Variants in SAPCD1 observed in about 807,000 individuals in gnomAD.
The protein encoded by SAPCD1 is suppressor APC domain containing 1, also known as suppressor APC domain-containing protein 1.
In SAPCD1, 16 loss-of-function variants were observed where a neutral mutation model predicts 20.7. That is an observed-to-expected ratio of 0.77 (90% CI 0.52 to 1.17). The LOEUF is 1.17. Ranked by LOEUF, SAPCD1 falls within the 50% of genes most tolerant of loss-of-function variation. SAPCD1 has a pLI of 0.00. For missense variants in SAPCD1, 173 were observed against 209.9 expected (o/e 0.82, Z 1.09); for synonymous variants, 77 against 84.8 (o/e 0.91, Z 0.50).
rs1811217319 is a variant in SAPCD1 at position 31,763,498 on chromosome 6, T to G, written c.198T>G (p.Phe66Leu). The G allele has an allele frequency of 6.2e-7, 1 of 1,612,830 alleles. No individual in the cohort carries two copies. Among genetic ancestry groups the G allele is most frequent in the Non-Finnish European group, 8.5e-7 (1 of 1,179,990 alleles). Reference sequence around the variant, plus strand: ...TGCTACAGCATGGCCAGGCCTGGTTTGAAGACCATCTGAGGGAGGCACAGC... The same window carrying G: ...TGCTACAGCATGGCCAGGCCTGGTTGGAAGACCATCTGAGGGAGGCACAGC... Residue 66 changes from phenylalanine to leucine, a missense_variant, in exon 2 of 5, where the codon TTT becomes TTG. Phe to Leu is a conservative substitution (Grantham distance 22). Transcript: ENST00000415669. The surrounding 1 kb of genome is among the most constrained non-coding windows in gnomAD (Gnocchi z 4.9).
rs1433126675 is a variant in SAPCD1, at chr6:31,764,432, C to G, written c.442-4C>G. 1 of 1,613,936 alleles carries G rather than the reference C, an allele frequency of 6.2e-7. No individual in the cohort carries two copies. The highest frequency in any genetic ancestry group is 8.5e-7 in the Non-Finnish European group (1 of 1,179,796). Reference sequence around the variant, plus strand: ...CCCAGAGGCCCCATCTGTTTCTCCTCCAGGAGTTGTCAAGGCAGCAGAAAG... The same window carrying G: ...CCCAGAGGCCCCATCTGTTTCTCCTGCAGGAGTTGTCAAGGCAGCAGAAAG... On this transcript the variant is annotated splice_region_variant and splice_polypyrimidine_tract_variant and intron_variant, in intron 4 of 4. Transcript: ENST00000415669. The surrounding 1 kb of genome is among the most constrained non-coding windows in gnomAD (Gnocchi z 4.7).
rs750014882 is a variant in SAPCD1, at chr6:31,764,221, G to A, written c.352-45G>A. The A allele has an allele frequency of 1.6e-5, 26 of 1,602,730 alleles. No individual in the cohort carries two copies. Among genetic ancestry groups the A allele is most frequent in the Admixed American group, 6.7e-5 (4 of 59,990 alleles). ...TTGGACTAGAGAGGGGAGTTGTTGG[G>A]GTCAGTGCTGGCTTAACAGAAAACA... On this transcript the variant is annotated intron_variant, in intron 3 of 4. Transcript: ENST00000415669. The surrounding 1 kb of genome is among the most constrained non-coding windows in gnomAD (Gnocchi z 4.7).
chr6:31,762,904 T>C (rs1180839729), upstream of SAPCD1: 1 of 571,450 alleles, frequency 1.7e-6, no homozygotes, highest in Non-Finnish European at 3.1e-6. Context: ...GTCTCTCTTC[T>C]CAAGTAGGAA....
In SAPCD1 at chr6:31,763,316, G is replaced by A; in HGVS notation, c.115-99G>A. The A allele has an allele frequency of 6.6e-7, 1 of 1,516,698 alleles. No individual in the cohort carries two copies. The allele number at this position is 1,516,698 out of a possible 1,614,324, so 94.0% of individuals were successfully genotyped here. On this transcript the variant is annotated intron_variant, in intron 1 of 4. Transcript: ENST00000415669. This position sits in a 1 kb window ranked among gnomAD's most constrained non-coding sequence, Gnocchi z 4.9. ...AGTGGCCAGTCTGGGTTCACACTCA[G>A]TGACCACACAGTGAACCCAACTAGG... is the stretch of plus-strand genomic sequence containing the variant.
Position 31,764,307 on chromosome 6 carries a change from C to T in SAPCD1, c.393C>T (p.Thr131=), listed in dbSNP as rs373118235. The change falls in exon 4 of 5, where the codon ACC becomes ACT. Residue 131 remains threonine, a synonymous_variant. Coordinates refer to ENST00000415669, the Ensembl canonical transcript of SAPCD1. This position sits in a 1 kb window ranked among gnomAD's most constrained non-coding sequence, Gnocchi z 4.7. Reference sequence around the variant, plus strand: ...TGAACAAGGCTAGTTCCTGCACCACCCAGGATTCAAAGGAAAGACGAAGGG... The same window carrying T: ...TGAACAAGGCTAGTTCCTGCACCACTCAGGATTCAAAGGAAAGACGAAGGG... The T allele has an allele frequency of 1.2e-6, 2 of 1,614,042 alleles. No individual in the cohort carries two copies. The highest frequency in any genetic ancestry group is 2.7e-5 in the African/African-American group (2 of 74,902).
In SAPCD1 at chr6:31,763,690, G is replaced by A. The variant is rs570278404; in HGVS notation, c.255+135G>A. 8 of 820,448 alleles carry A rather than the reference G, an allele frequency of 9.8e-6. No homozygotes were observed. The highest frequency in any genetic ancestry group is 2.8e-5 in the Admixed American group (1 of 36,340). 50.8% of individuals were successfully genotyped at this position (820,448 alleles called of 1,614,324 possible). A position where few individuals can be genotyped will look rare whatever the true frequency, so the allele number is the denominator to read the frequency against. ...GGGATCATGAGTTGGAGGCAGCATC[G>A]TAATGACAGGATGCCACCAAGTGTT... On this transcript the variant is annotated intron_variant, in intron 2 of 4. Coordinates refer to ENST00000415669, the Ensembl canonical transcript of SAPCD1. The surrounding 1 kb of genome is among the most constrained non-coding windows in gnomAD (Gnocchi z 4.9).
In SAPCD1 at chr6:31,764,026, G is replaced by A. The variant is rs1449836726; in HGVS notation, c.256-38G>A. 7.0e-7 allele frequency: 1 copy of A among 1,418,978 alleles called. No homozygotes were observed. Among genetic ancestry groups the A allele is most frequent in the Non-Finnish European group, 1.0e-6 (1 of 1,002,630 alleles). 87.9% of individuals were successfully genotyped at this position (1,418,978 alleles called of 1,614,324 possible). A position where few individuals can be genotyped will look rare whatever the true frequency, so the allele number is the denominator to read the frequency against. On this transcript the variant is annotated intron_variant, in intron 2 of 4. Transcript: ENST00000415669. This position sits in a 1 kb window ranked among gnomAD's most constrained non-coding sequence, Gnocchi z 4.7. ...GGAATAGAGTGGCAGACGACCTCAG[G>A]TTTTCACCATGTTGTCAGCCTCCAA...
chr6:31,764,240 G>A lies in SAPCD1; in HGVS notation c.352-26G>A. 1 of 1,611,522 alleles carries A rather than the reference G, an allele frequency of 6.2e-7. No homozygotes were observed. The highest frequency in any genetic ancestry group is 8.5e-7 in the Non-Finnish European group (1 of 1,177,590). ...TGTTGGGGTCAGTGCTGGCTTAACA[G>A]AAAACACAGCGAATTTCCCCTCCAG... is the stretch of plus-strand genomic sequence containing the variant. On this transcript the variant is annotated intron_variant, in intron 3 of 4. Transcript: ENST00000415669. The surrounding 1 kb of genome is among the most constrained non-coding windows in gnomAD (Gnocchi z 4.7).
chr6:31,764,535 C>T lies in SAPCD1; in HGVS notation c.*4C>T. The T allele has an allele frequency of 6.2e-7, 1 of 1,600,960 alleles. No individual in the cohort carries two copies. Among genetic ancestry groups the T allele is most frequent in the African/African-American group, 1.3e-5 (1 of 74,746 alleles). ...AAGAGGCCCTACCCGTGTCTAAACCCTCCTCTCACTCCCCTAAGCCTGGTG... is the reference window on the plus strand; with the variant it reads ...AAGAGGCCCTACCCGTGTCTAAACCTTCCTCTCACTCCCCTAAGCCTGGTG... On this transcript the variant is annotated 3_prime_UTR_variant, in exon 5 of 5. Transcript: ENST00000415669. The surrounding 1 kb of genome is among the most constrained non-coding windows in gnomAD (Gnocchi z 4.7).
Position 31,763,690 on chromosome 6 carries a change from G to C in SAPCD1, c.255+135G>C. The stretch of plus-strand genomic sequence containing the variant: ...GGGATCATGAGTTGGAGGCAGCATC[G>C]TAATGACAGGATGCCACCAAGTGTT... On this transcript the variant is annotated intron_variant, in intron 2 of 4. Coordinates refer to ENST00000415669, the Ensembl canonical transcript of SAPCD1. The surrounding 1 kb of genome is among the most constrained non-coding windows in gnomAD (Gnocchi z 4.9). 2 of 820,452 alleles carry C rather than the reference G, an allele frequency of 2.4e-6. No homozygotes were observed. The highest frequency in any genetic ancestry group is 3.8e-6 in the Non-Finnish European group (2 of 527,114). 50.8% of individuals were successfully genotyped at this position (820,452 alleles called of 1,614,324 possible). A position where few individuals can be genotyped will look rare whatever the true frequency, so the allele number is the denominator to read the frequency against.
At chr6:31,762,889 A>G (rs1811149792), upstream of SAPCD1, 2 of 565,944 alleles carry the variant, frequency 3.5e-6, no homozygotes, top group Admixed American at 3.5e-5. Flanking sequence ...GGTCCAAGGG[A>G]GATGGTCTCT....
chr6:31,764,323 A>G lies in SAPCD1; in HGVS notation c.409A>G (p.Arg137Gly). Reference sequence around the variant, plus strand: ...CTGCACCACCCAGGATTCAAAGGAAAGACGAAGGGAGCAGAACTTGTGGCA... The same window carrying G: ...CTGCACCACCCAGGATTCAAAGGAAGGACGAAGGGAGCAGAACTTGTGGCA... Residue 137 changes from arginine (R) to glycine (G), a missense_variant, in exon 4 of 5, where the codon AGA becomes GGA. Arg to Gly is a moderately radical substitution (Grantham distance 125, BLOSUM62 -2). Transcript: ENST00000415669. This position sits in a 1 kb window ranked among gnomAD's most constrained non-coding sequence, Gnocchi z 4.7. 6.2e-7 allele frequency: 1 copy of G among 1,614,220 alleles called. No homozygotes were observed. The highest frequency in any genetic ancestry group is 8.5e-7 in the Non-Finnish European group (1 of 1,180,026).
Position 31,763,975 on chromosome 6 carries a change from G to A in SAPCD1, c.256-89G>A. Reference sequence around the variant, plus strand: ...GAGGGTACTGGGACGAGGGGATCCAGATGAGAGGGATGGCCTGTGGTGACA... The same window carrying A: ...GAGGGTACTGGGACGAGGGGATCCAAATGAGAGGGATGGCCTGTGGTGACA... On this transcript the variant is annotated intron_variant, in intron 2 of 4. Transcript: ENST00000415669. The surrounding 1 kb of genome is among the most constrained non-coding windows in gnomAD (Gnocchi z 4.9). The A allele has an allele frequency of 1.1e-6, 1 of 894,482 alleles. No individual in the cohort carries two copies. The highest frequency in any genetic ancestry group is 1.9e-6 in the Non-Finnish European group (1 of 531,656). 55.4% of individuals were successfully genotyped at this position (894,482 alleles called of 1,614,324 possible).
In SAPCD1 at chr6:31,763,602, G is replaced by A; in HGVS notation, c.255+47G>A. 2 of 1,550,534 alleles carry A rather than the reference G, an allele frequency of 1.3e-6. No homozygotes were observed. Among genetic ancestry groups the A allele is most frequent in the Middle Eastern group, 1.8e-4 (1 of 5,458 alleles). ...GTGAATGGGGGGAGGACCAGGGAGG[G>A]AGGAACAGGGAATGTGTAGACACAG... is the stretch of plus-strand genomic sequence containing the variant. On this transcript the variant is annotated intron_variant, in intron 2 of 4. Coordinates refer to ENST00000415669, the Ensembl canonical transcript of SAPCD1. The surrounding 1 kb of genome is among the most constrained non-coding windows in gnomAD (Gnocchi z 4.9).
chr6:31,762,980 A>G, upstream of SAPCD1: 1 of 760,304 alleles, frequency 1.3e-6, no homozygotes, highest in Non-Finnish European at 2.2e-6. Flanking sequence ...GGATGGGTGC[A>G]AGGCAGGGGT....
Position 31,764,048 on chromosome 6 carries a change from C to G in SAPCD1, c.256-16C>G, listed in dbSNP as rs1214468124. The G allele has an allele frequency of 6.3e-7, 1 of 1,579,050 alleles. No individual in the cohort carries two copies. Among genetic ancestry groups the G allele is most frequent in the African/African-American group, 1.3e-5 (1 of 74,228 alleles). On this transcript the variant is annotated splice_polypyrimidine_tract_variant and intron_variant, in intron 2 of 4. Coordinates refer to ENST00000415669, the Ensembl canonical transcript of SAPCD1. The surrounding 1 kb of genome is among the most constrained non-coding windows in gnomAD (Gnocchi z 4.7). ...CAGGTTTTCACCATGTTGTCAGCCT[C>G]CAACTCCTCCTCTAGAATTTTCTAA... is the stretch of plus-strand genomic sequence containing the variant.
In SAPCD1 at chr6:31,764,159, GGT is replaced by G; in HGVS notation, c.351+2_351+3del. 1 of 1,612,862 alleles carries G rather than the reference GGT, an allele frequency of 6.2e-7. No individual in the cohort carries two copies. Among genetic ancestry groups the G allele is most frequent in the Non-Finnish European group, 8.5e-7 (1 of 1,178,796 alleles). On this transcript the variant is annotated splice_donor_variant, in intron 3 of 4. Transcript: ENST00000415669. LOFTEE classifies it high-confidence loss of function. The surrounding 1 kb of genome is among the most constrained non-coding windows in gnomAD (Gnocchi z 4.7). ...GTTTGCAGAATCTGATTCATGAGAA[GGT>G]GAGTTTATTGTTTTCAGTTTAGACT... is the stretch of plus-strand genomic sequence containing the variant.
At position 31,764,641 on chromosome 6, in the gene SAPCD1, A is replaced by G. The variant is rs976900488; in HGVS notation, c.*110A>G. ...ATGGCTCCAGGTAGTGAGTCAATGA[A>G]GTTCAGACATGTTGGTGTAAAGTTT... On this transcript the variant is annotated 3_prime_UTR_variant, in exon 5 of 5. Transcript: ENST00000415669. This position sits in a 1 kb window ranked among gnomAD's most constrained non-coding sequence, Gnocchi z 4.7. The G allele has an allele frequency of 1.3e-5, 9 of 701,618 alleles. No homozygotes were observed. The South Asian group carries it at 1.7e-4, about 13-fold the overall frequency. 43.5% of individuals were successfully genotyped at this position (701,618 alleles called of 1,614,324 possible).
chr6:31,763,984 G>T lies in SAPCD1; in HGVS notation c.256-80G>T, dbSNP rs1256643838. 4 of 945,898 alleles carry T rather than the reference G, an allele frequency of 4.2e-6. No homozygotes were observed. The highest frequency in any genetic ancestry group is 3.4e-5 in the Admixed American group (2 of 58,234). 58.6% of individuals were successfully genotyped at this position (945,898 alleles called of 1,614,324 possible). ...GGGACGAGGGGATCCAGATGAGAGG[G>T]ATGGCCTGTGGTGACAGGAATAGAG... is the stretch of plus-strand genomic sequence containing the variant. On this transcript the variant is annotated intron_variant, in intron 2 of 4. Coordinates refer to ENST00000415669, the Ensembl canonical transcript of SAPCD1. This position sits in a 1 kb window ranked among gnomAD's most constrained non-coding sequence, Gnocchi z 4.9.
Sources: allele counts gnomAD v4.1 joint callset, GRCh38; gene constraint gnomAD v4.1.1; non-coding constraint Gnocchi (gnomAD v3.1); transcripts MANE v1.5; gene names NCBI Gene and HGNC (gene_info 2026-07-23, HGNC 2026-07-21).